Variants in ANO3 observed in about 807,000 individuals in gnomAD.
ANO3 encodes anoctamin 3.
ANO3 carries 99 observed loss-of-function variants against 144.8 expected under a neutral mutation model. The observed-to-expected ratio is 0.68, with a 90% CI of 0.58 to 0.81. The LOEUF is 0.81. ANO3 is among the 30% of genes least tolerant of loss of function. The pLI, the probability that ANO3 is intolerant of heterozygous loss-of-function variation, is 0.00. For missense variants in ANO3, 905 were observed against 1,202.2 expected, an observed-to-expected ratio of 0.75 and a Z score of 3.66; for synonymous variants, 414 against 392.6, an observed-to-expected ratio of 1.05 and a Z score of -0.64.
At chr11:26,285,371 T>C (rs971352529) in intron 1 of ANO3, among the ~76,000 whole-genome samples, 1 of 152,194 alleles carries the variant, frequency 6.6e-6, no homozygotes, top group Non-Finnish European at 1.5e-5. Context: ...AAGATGTCAT[T>C]GTTATTAAGA....
chr11:26,477,598 T>C (rs1375043120), intron 4 of ANO3, among the ~76,000 whole-genome samples: 4 of 152,130 alleles, frequency 2.6e-5, no homozygotes, highest in Non-Finnish European at 5.9e-5. Flanking sequence ...ACTAAATTAC[T>C]CTCTTAACGG....
Position 26,591,214 on chromosome 11 carries a change from C to T in ANO3, c.1448-7151C>T, listed in dbSNP as rs184056655. Among the ~76,000 whole-genome samples, 331 of 152,284 alleles carry T rather than the reference C, an allele frequency of 2.2e-3. 1 individual carries two copies. The highest frequency in any genetic ancestry group is 7.6e-3 in the African/African-American group (317 of 41,556). On this transcript the variant is annotated intron_variant, in intron 14 of 26. Transcript: ENST00000256737. ...AGCTAGTACTGCCTCTCAGTCCCCACTCTCAACAGGAAAACTCAAGTGATG... is the reference window on the plus strand; with the variant it reads ...AGCTAGTACTGCCTCTCAGTCCCCATTCTCAACAGGAAAACTCAAGTGATG...
chr11:26,203,133 T>C (rs1851730488), intron 1 of ANO3, among the ~76,000 whole-genome samples: 1 of 152,118 alleles, frequency 6.6e-6, no homozygotes, highest in African/African-American at 2.4e-5. Flanking sequence ...CAAGCTGTGC[T>C]ATTGATAGTT....
intron 4 of ANO3, among the ~76,000 whole-genome samples, chr11:26,486,016 A>G (rs1860430791): frequency 6.6e-6 from 1 of 152,164 alleles, no homozygotes; most frequent in Admixed American, 6.5e-5. Flanking sequence ...TGCCTTTTTA[A>G]AAGAAATGTG....
chr11:26,578,018 CAA>C, intron 14 of ANO3, among the ~76,000 whole-genome samples: 1 of 152,232 alleles, frequency 6.6e-6, no homozygotes, highest in Non-Finnish European at 1.5e-5. Flanking sequence ...TACTATTGAT[CAA>C]AAGTATGTCG....
Position 26,547,398 on chromosome 11 carries a change from AT to A in ANO3, c.1155-15del. On this transcript the variant is annotated splice_polypyrimidine_tract_variant and intron_variant, in intron 11 of 26. Transcript: ENST00000256737. ...TATGTTGCCTTAACTCAGTCTAAGG[AT>A]TTGCTTTCTCATGCAGGCTATACTT... 2 of 1,609,710 alleles carry A rather than the reference AT, an allele frequency of 1.2e-6. No homozygotes were observed. Among genetic ancestry groups the A allele is most frequent in the Non-Finnish European group, 1.7e-6 (2 of 1,177,088 alleles).
Position 26,620,475 on chromosome 11 carries a change from TA to T in ANO3, c.1837-3984del, listed in dbSNP as rs1250722665. 1.2e-3 allele frequency among the ~76,000 whole-genome samples: 175 copies of T among 151,790 alleles called. 1 individual carries two copies. Among genetic ancestry groups the T allele is most frequent in the African/African-American group, 3.7e-3 (153 of 41,562 alleles). ...AAATCAAATTTTATAAATATTAAAT[TA>T]AATTTATTAAAATTAAATTAAACTA... On this transcript the variant is annotated intron_variant, in intron 17 of 26. Transcript: ENST00000256737.
At chr11:26,263,386 T>G (rs1853237403) in intron 1 of ANO3, among the ~76,000 whole-genome samples, 1 of 152,220 alleles carries the variant, frequency 6.6e-6, no homozygotes, top group Non-Finnish European at 1.5e-5. Flanking sequence ...TTCAGGTCCG[T>G]ACCTGACAAG....
chr11:26,593,619 G>T (rs895928763), intron 14 of ANO3, among the ~76,000 whole-genome samples: 6 of 152,218 alleles, frequency 3.9e-5, no homozygotes, highest in African/African-American at 1.4e-4. Context: ...CTGGTTAGTG[G>T]CTTCTGACCC....
intron 1 of ANO3, among the ~76,000 whole-genome samples, chr11:26,257,481 G>A (rs77225383): frequency 0.018 from 2,800 of 152,096 alleles, 69 homozygotes; most frequent in East Asian, 0.12. Flanking sequence ...TTTCACTAAT[G>A]TAATCCTCTT....
chr11:26,409,941 G>A (rs1016886944), intron 1 of ANO3, among the ~76,000 whole-genome samples: 3 of 151,926 alleles, frequency 2.0e-5, no homozygotes, highest in Admixed American at 6.6e-5. Flanking sequence ...CAATGCAGTA[G>A]TAATTTTCTA....
intron 14 of ANO3, among the ~76,000 whole-genome samples, chr11:26,586,724 G>A (rs911119597): frequency 6.7e-6 from 1 of 149,876 alleles, no homozygotes; most frequent in Non-Finnish European, 1.5e-5. Flanking sequence ...AGATGGTCTC[G>A]ACCTCCTGAC....
intron 1 of ANO3, among the ~76,000 whole-genome samples, chr11:26,283,357 T>TATATACACAC (rs1564947814): frequency 8.8e-6 from 1 of 113,768 alleles, no homozygotes; most frequent in African/African-American, 3.3e-5. Flanking sequence ...TATATATATA[T>TATATACACAC]ATATATATAG....
chr11:26,648,188 C>T (rs1291272407), intron 24 of ANO3, among the ~76,000 whole-genome samples: 3 of 151,950 alleles, frequency 2.0e-5, no homozygotes, highest in Admixed American at 1.3e-4. Context: ...ATCTTCTTAC[C>T]GTATAGATGG....
chr11:26,485,550 A>T (rs1026680222), intron 4 of ANO3, among the ~76,000 whole-genome samples: 2 of 152,116 alleles, frequency 1.3e-5, no homozygotes, highest in Admixed American at 6.6e-5. Context: ...TTTATGAAGT[A>T]CCCAGTCTCA....
At chr11:26,649,110 CTACTT>C (rs1288477668) in intron 24 of ANO3, among the ~76,000 whole-genome samples, 2 of 151,942 alleles carry the variant, frequency 1.3e-5, no homozygotes, top group Admixed American at 6.6e-5. Context: ...AATAAATTGT[CTACTT>C]TATTTTAGAG....
chr11:26,374,906 G>C (rs975576044), intron 1 of ANO3, among the ~76,000 whole-genome samples: 2 of 152,122 alleles, frequency 1.3e-5, no homozygotes, highest in Non-Finnish European at 2.9e-5. Context: ...ACCATGCCTG[G>C]TTAATTTTTG....
intron 1 of ANO3, among the ~76,000 whole-genome samples, chr11:26,345,406 T>G (rs1053043789): frequency 6.6e-6 from 1 of 151,910 alleles, no homozygotes; most frequent in African/African-American, 2.4e-5. Flanking sequence ...AATAAAAAAT[T>G]TTAGGGTATC....
chr11:26,637,918 C>T (rs747297326), intron 20 of ANO3, among the ~76,000 whole-genome samples: 1 of 152,104 alleles, frequency 6.6e-6, no homozygotes, highest in Non-Finnish European at 1.5e-5. Flanking sequence ...GCCTTCCCAC[C>T]CAAATATCTT....
Sources: allele counts gnomAD v4.1 joint callset (sites outside exome capture counted in the v4.1 genomes callset), GRCh38; gene constraint gnomAD v4.1.1; transcripts MANE v1.5; gene names NCBI Gene and HGNC (gene_info 2026-07-23, HGNC 2026-07-21).